The following NRXN3 variants were observed in gnomAD, a reference collection of about 807,000 sequenced individuals.
The protein encoded by NRXN3 is neurexin III.
A neutral mutation model predicts 137.6 loss-of-function variants in NRXN3; 32 were observed. The observed-to-expected ratio is 0.23, with a 90% confidence interval of 0.18 to 0.31. The LOEUF is 0.31. NRXN3 is among the 10% of genes least tolerant of loss of function. The pLI is 1.00. For synonymous variants in NRXN3, 798 were observed against 784.5 expected (o/e 1.02, Z -0.29); for missense variants, 1,574 against 2,062.5 (o/e 0.76, Z 4.59).
chr14:79,045,803 T>C (rs1475394300), intron 15 of NRXN3, among the ~76,000 whole-genome samples: 5 of 152,324 alleles, frequency 3.3e-5, no homozygotes, highest in South Asian at 2.1e-4. Context: ...TCGCCAGTGA[T>C]TGATAATGCC....
At chr14:79,515,306 A>G (rs1178126532) in intron 16 of NRXN3, among the ~76,000 whole-genome samples, 2 of 150,642 alleles carry the variant, frequency 1.3e-5, no homozygotes, top group African/African-American at 5.0e-5. Flanking sequence ...ATAGCTCTTC[A>G]GAATTGTCCA....
intron 2 of NRXN3, among the ~76,000 whole-genome samples, chr14:78,268,887 T>G (rs1316974186): frequency 6.6e-6 from 1 of 152,140 alleles, no homozygotes; most frequent in African/African-American, 2.4e-5. Context: ...CTGGGTCATG[T>G]TTTTCACATT....
chr14:78,898,737 G>A (rs2099186220), intron 10 of NRXN3, among the ~76,000 whole-genome samples: 3 of 151,736 alleles, frequency 2.0e-5, no homozygotes, highest in Non-Finnish European at 2.9e-5. Context: ...ATCTTGATTG[G>A]AAATAACTGG....
At chr14:79,799,328 G>A (rs1290987729) in intron 19 of NRXN3, among the ~76,000 whole-genome samples, 3 of 152,138 alleles carry the variant, frequency 2.0e-5, no homozygotes, top group African/African-American at 7.2e-5. Flanking sequence ...TTCTCCCCTT[G>A]AGAAAGCAAG....
rs550245543 is a variant in NRXN3, at chr14:78,933,991, T to C, written c.2276-23251T>C. On this transcript the variant is annotated intron_variant, in intron 10 of 20. Coordinates refer to ENST00000335750, the MANE Select transcript of NRXN3 (RefSeq NM_001330195.2). ...GCTGTTTGTAAATACCTACGGTTGA[T>C]GAGGAAATGCATTTGTTGAAATATA... is the stretch of plus-strand genomic sequence containing the variant. Among the ~76,000 whole-genome samples the C allele has an allele frequency of 4.0e-5, 6 of 151,774 alleles. No homozygotes were observed. In the South Asian group the frequency reaches 1.3e-3, roughly 32 times the overall value.
intron 4 of NRXN3, chr14:78,403,740 G>T (rs749616360): frequency 3.2e-5 from 32 of 985,304 alleles, no homozygotes; most frequent in Non-Finnish European, 3.7e-5. Context: ...CAATTGCTCC[G>T]GGAGAGACAC....
chr14:79,570,303 TC>T (rs1356452460), intron 16 of NRXN3, among the ~76,000 whole-genome samples: 2 of 152,084 alleles, frequency 1.3e-5, no homozygotes, highest in African/African-American at 4.8e-5. Context: ...CCTTCTATGC[TC>T]CCCAAACTCA....
rs1365006345 is a variant in NRXN3 at position 79,486,960 on chromosome 14, T to TCTCTCTCTCTCTCTCC, written c.3444+19559_3444+19560insTCTCTCTCTCTCTCCC. Among the ~76,000 whole-genome samples the TCTCTCTCTCTCTCTCC allele has an allele frequency of 9.5e-4, 106 of 112,090 alleles. 3 individuals are homozygous for TCTCTCTCTCTCTCTCC. The highest frequency in any genetic ancestry group is 3.6e-3 in the African/African-American group (102 of 28,556). 73.5% of individuals were successfully genotyped at this position (112,090 alleles called of 152,430 possible). ...CTCTCTCTCTCTCTCTCTCTCTCTC[T>TCTCTCTCTCTCTCTCC]CCCACACACACACACCCCAAGATAA... On this transcript the variant is annotated intron_variant, in intron 16 of 20. Transcript: ENST00000335750.
Position 79,806,962 on chromosome 14 carries a change from A to ATT in NRXN3, c.4093+1804_4093+1805dup, listed in dbSNP as rs35028709. On this transcript the variant is annotated intron_variant, in intron 20 of 20. Coordinates refer to ENST00000335750, the MANE Select transcript of NRXN3 (RefSeq NM_001330195.2). Reference sequence around the variant, plus strand: ...TTTATATATATATATATATATATATATTTTTTTTTTTTTTTTTTTTTTTTT... The same window carrying ATT: ...TTTATATATATATATATATATATATATTTTTTTTTTTTTTTTTTTTTTTTTTT... Among the ~76,000 whole-genome samples, 40 of 26,354 alleles carry ATT rather than the reference A, an allele frequency of 1.5e-3. 2 individuals are homozygous for ATT. The highest frequency in any genetic ancestry group is 5.0e-3 in the South Asian group (2 of 404). 17.3% of individuals were successfully genotyped at this position (26,354 alleles called of 152,430 possible).
chr14:79,409,939 C>T (rs1201574442), intron 15 of NRXN3, among the ~76,000 whole-genome samples: 1 of 151,406 alleles, frequency 6.6e-6, no homozygotes, highest in Non-Finnish European at 1.5e-5. Flanking sequence ...TCTCTCGTCC[C>T]ACTCCTTCTT....
chr14:78,595,065 A>T (rs2097147877), intron 4 of NRXN3, among the ~76,000 whole-genome samples: 1 of 152,240 alleles, frequency 6.6e-6, no homozygotes, highest in Non-Finnish European at 1.5e-5. Flanking sequence ...AAAGGGAGAT[A>T]CAGACAAAAA....
rs540014979 is a variant in NRXN3 at position 78,916,432 on chromosome 14, C to T, written c.2276-40810C>T. Among the ~76,000 whole-genome samples the T allele has an allele frequency of 4.9e-4, 74 of 152,182 alleles. 1 individual carries two copies. Among genetic ancestry groups the T allele is most frequent in the African/African-American group, 1.6e-3 (67 of 41,512 alleles). ...AGATGGTAGGTCACAGAAGCTTGTC[C>T]GAGGTGAGGACTTTGGGCTGAGTCC... On this transcript the variant is annotated intron_variant, in intron 10 of 20. Coordinates refer to ENST00000335750, the MANE Select transcript of NRXN3 (RefSeq NM_001330195.2).
intron 8 of NRXN3, among the ~76,000 whole-genome samples, chr14:78,783,846 G>T (rs1407917128): frequency 6.6e-6 from 1 of 152,042 alleles, no homozygotes; most frequent in Non-Finnish European, 1.5e-5. Flanking sequence ...GAAAAGGGTG[G>T]TCATCTTACC....
intron 4 of NRXN3, among the ~76,000 whole-genome samples, chr14:78,605,421 T>C (rs1294265162): frequency 6.6e-6 from 1 of 152,210 alleles, no homozygotes; most frequent in East Asian, 1.9e-4. Flanking sequence ...AGTAATGCCG[T>C]TGAAATATTA....
chr14:79,040,552 C>T (rs908123589), intron 15 of NRXN3, among the ~76,000 whole-genome samples: 9 of 152,066 alleles, frequency 5.9e-5, no homozygotes, highest in Admixed American at 1.3e-4. Flanking sequence ...TTGGAAAAGT[C>T]TCTTGTTGTG....
chr14:78,635,898 G>C (rs2152550615), intron 4 of NRXN3, among the ~76,000 whole-genome samples: 1 of 152,170 alleles, frequency 6.6e-6, no homozygotes, highest in South Asian at 2.1e-4. Context: ...TGTATTTTTA[G>C]GAAACACTGT....
chr14:78,786,836 A>C (rs1252405664), intron 8 of NRXN3, among the ~76,000 whole-genome samples: 1 of 152,194 alleles, frequency 6.6e-6, no homozygotes, highest in Non-Finnish European at 1.5e-5. Context: ...AAATAAGGAC[A>C]GTAAAAAGCA....
intron 16 of NRXN3, among the ~76,000 whole-genome samples, chr14:79,593,508 G>A (rs2097828836): frequency 1.3e-5 from 2 of 151,824 alleles, no homozygotes; most frequent in Non-Finnish European, 2.9e-5. Flanking sequence ...GCGGGCGCCT[G>A]TAGTCCCAGG....
At position 78,402,151 on chromosome 14, in the gene NRXN3, A is replaced by G. The variant is rs76455222; in HGVS notation, c.757+104291A>G. Among the ~76,000 whole-genome samples, 608 of 152,346 alleles carry G rather than the reference A, an allele frequency of 4.0e-3. 3 individuals carry two copies. Among genetic ancestry groups the G allele is most frequent in the African/African-American group, 0.013 (556 of 41,584 alleles). The stretch of plus-strand genomic sequence containing the variant: ...GTGTGTTCTTCTGAATATTGAAAAA[A>G]TGAGGAAAATGGTACTTTCTATCTG... On this transcript the variant is annotated intron_variant, in intron 4 of 20. Coordinates refer to ENST00000335750, the MANE Select transcript of NRXN3 (RefSeq NM_001330195.2).
Sources: gnomAD v4.1 joint callset for allele counts (sites outside exome capture counted in the v4.1 genomes callset) on GRCh38, gnomAD v4.1.1 for gene constraint, MANE v1.5 for transcripts, NCBI Gene and HGNC (gene_info 2026-07-23, HGNC 2026-07-21) for gene names.